ZBTB16: variants seen among roughly 807,000 people sequenced by gnomAD.
ZBTB16 encodes zinc finger and BTB domain-containing protein 16.
Under a neutral mutation model 56.8 loss-of-function variants are expected in ZBTB16, and 8 were observed. That is an observed-to-expected ratio of 0.14 (90% CI 0.08 to 0.25). The LOEUF is 0.25. ZBTB16 is among the 10% of genes least tolerant of loss of function. The pLI, the probability that ZBTB16 is intolerant of heterozygous loss-of-function variation, is 1.00. For synonymous variants in ZBTB16, 363 were observed against 368.5 expected (o/e 0.98, Z 0.17); for missense variants, 625 against 903.0 (o/e 0.69, Z 3.95).
intron 2 of ZBTB16, among the ~76,000 whole-genome samples, chr11:114,110,787 G>A (rs1436739753): frequency 2.0e-5 from 3 of 152,226 alleles, no homozygotes; most frequent in Admixed American, 6.5e-5. Flanking sequence ...CTGAAGGGTA[G>A]AGGGAGAAAA....
chr11:114,138,725 C>T (rs1039461139), intron 2 of ZBTB16, among the ~76,000 whole-genome samples: 2 of 151,670 alleles, frequency 1.3e-5, no homozygotes, highest in Non-Finnish European at 2.9e-5. Flanking sequence ...GAGTCTTGCT[C>T]GGTTGCCCAG....
intron 4 of ZBTB16, among the ~76,000 whole-genome samples, chr11:114,198,111 A>G (rs985558079): frequency 1.3e-5 from 2 of 152,110 alleles, no homozygotes; most frequent in African/African-American, 4.8e-5. Flanking sequence ...CATCAGAGGG[A>G]CAGGCAGACT....
chr11:114,103,511 T>G (rs1228469000), intron 2 of ZBTB16, among the ~76,000 whole-genome samples: 1 of 152,198 alleles, frequency 6.6e-6, no homozygotes, highest in Non-Finnish European at 1.5e-5. Flanking sequence ...TTTTGTGTTT[T>G]GGTAACCACA....
chr11:114,190,252 G>T (rs621388), intron 4 of ZBTB16, among the ~76,000 whole-genome samples: 1 of 151,948 alleles, frequency 6.6e-6, no homozygotes, highest in Non-Finnish European at 1.5e-5. Context: ...TGACTGCACA[G>T]CTTCGAATAC....
chr11:114,155,369 C>T (rs1379743356), intron 2 of ZBTB16, among the ~76,000 whole-genome samples: 1 of 152,210 alleles, frequency 6.6e-6, no homozygotes, highest in African/African-American at 2.4e-5. Flanking sequence ...CCCCAGTGCT[C>T]GGCTCCCTGC....
chr11:114,177,181 T>C (rs1322665418), intron 3 of ZBTB16, among the ~76,000 whole-genome samples: 1 of 152,186 alleles, frequency 6.6e-6, no homozygotes, highest in Non-Finnish European at 1.5e-5. Flanking sequence ...TAAGCTATCA[T>C]ATGAGGATGA....
intron 4 of ZBTB16, among the ~76,000 whole-genome samples, chr11:114,200,322 A>G (rs191014717): frequency 1.3e-5 from 2 of 152,312 alleles, no homozygotes; most frequent in East Asian, 3.9e-4. Context: ...AGTGTATTAA[A>G]TACCTACTGT....
At chr11:114,133,673 G>C (rs1441788953) in intron 2 of ZBTB16, among the ~76,000 whole-genome samples, 1 of 152,136 alleles carries the variant, frequency 6.6e-6, no homozygotes, top group Non-Finnish European at 1.5e-5. Flanking sequence ...CTTGGCCCTG[G>C]TTTACTAGAT....
At chr11:114,101,233 G>C (rs1940599098) in intron 2 of ZBTB16, among the ~76,000 whole-genome samples, 2 of 152,054 alleles carry the variant, frequency 1.3e-5, no homozygotes, top group South Asian at 4.2e-4. Flanking sequence ...TTGAACTCCT[G>C]GGCTCAAACA....
At chr11:114,185,990 C>G (rs1034120943) in intron 3 of ZBTB16, among the ~76,000 whole-genome samples, 1 of 152,060 alleles carries the variant, frequency 6.6e-6, no homozygotes, top group African/African-American at 2.4e-5. Flanking sequence ...CAGCTGTGCA[C>G]AAGACGACAC....
intron 2 of ZBTB16, among the ~76,000 whole-genome samples, chr11:114,139,660 TG>T (rs1462886950): frequency 6.6e-6 from 1 of 151,654 alleles, no homozygotes; most frequent in Non-Finnish European, 1.5e-5. Context: ...TGTGTGTGTG[TG>T]TGTAGTAGAG....
chr11:114,212,747 C>T (rs517480), intron 4 of ZBTB16, among the ~76,000 whole-genome samples: 107,593 of 151,946 alleles, frequency 0.71, 40,105 homozygotes, highest in East Asian at 0.95. Flanking sequence ...TGGGAACCAC[C>T]CTTAAATTCC....
At chr11:114,094,240 G>T (rs200262723) in intron 2 of ZBTB16, among the ~76,000 whole-genome samples, 6 of 38,350 alleles carry the variant, frequency 1.6e-4, no homozygotes, top group Non-Finnish European at 4.2e-4. Context: ...GCGTGAACCC[G>T]GGAGGCAGAG....
chr11:114,082,899 C>A (rs185189174), intron 2 of ZBTB16, among the ~76,000 whole-genome samples: 2 of 152,188 alleles, frequency 1.3e-5, no homozygotes, highest in Admixed American at 1.3e-4. Flanking sequence ...TAGTGAACAG[C>A]GACGCTATCT....
At chr11:114,156,468 A>G in intron 3 of ZBTB16, 34 bp downstream of exon 3, 3 of 1,599,756 alleles carry the variant, frequency 1.9e-6, no homozygotes, top group Non-Finnish European at 2.6e-6. Flanking sequence ...CCGTTCAGAT[A>G]CAGGCAACCA....
intron 2 of ZBTB16, among the ~76,000 whole-genome samples, chr11:114,153,021 T>A (rs1942314303): frequency 6.6e-6 from 1 of 152,064 alleles, no homozygotes; most frequent in Admixed American, 6.5e-5. Context: ...AGACTGTGAG[T>A]TCACACAAAT....
At chr11:114,066,199 A>G (rs1171414627) in intron 2 of ZBTB16, among the ~76,000 whole-genome samples, 1 of 152,032 alleles carries the variant, frequency 6.6e-6, no homozygotes, top group Non-Finnish European at 1.5e-5. Flanking sequence ...TGGGGTGGGG[A>G]TATCTGGAAG....
At chr11:114,241,416 C>T (rs531915808) in intron 4 of ZBTB16, among the ~76,000 whole-genome samples, 7 of 152,192 alleles carry the variant, frequency 4.6e-5, no homozygotes, top group South Asian at 2.1e-4. Context: ...AACTGAGCTC[C>T]GCCTCCTGTC....
chr11:114,196,634 G>T (rs1943618326), intron 4 of ZBTB16, among the ~76,000 whole-genome samples: 1 of 152,090 alleles, frequency 6.6e-6, no homozygotes, highest in Non-Finnish European at 1.5e-5. Context: ...CTCATTCTCT[G>T]AGTTTTTAAG....
Sources: allele counts gnomAD v4.1 joint callset (sites outside exome capture counted in the v4.1 genomes callset), GRCh38; gene constraint gnomAD v4.1.1; transcripts MANE v1.5; gene names NCBI Gene and HGNC (gene_info 2026-07-23, HGNC 2026-07-21).